RERG: variants seen among roughly 807,000 people sequenced by gnomAD.
RERG encodes the protein RAS like estrogen regulated growth inhibitor, also known as ras-related and estrogen-regulated growth inhibitor.
In RERG, 25 loss-of-function variants were observed where a neutral mutation model predicts 23.2. The ratio of observed to expected loss-of-function variants is 1.08; its 90% CI spans 0.79 to 1.50. The LOEUF (loss-of-function observed/expected upper bound fraction) is 1.50. Among genes scored for constraint, RERG ranks in the 40% most tolerant of loss-of-function variants. The probability of loss-of-function intolerance (pLI) is 0.00; values close to 1 mark genes in which losing one functional copy is unlikely to be tolerated. For missense variants in RERG, 253 were observed against 250.1 expected (o/e 1.01, Z -0.08); for synonymous variants, 81 against 89.1 (o/e 0.91, Z 0.51).
At chr12:15,124,418 C>T (rs1425161559) in intron 2 of RERG, among the ~76,000 whole-genome samples, 1 of 152,042 alleles carries the variant, frequency 6.6e-6, no homozygotes, top group Non-Finnish European at 1.5e-5. Flanking sequence ...TAAATGTAAA[C>T]TAACACACAT....
Position 15,208,837 on chromosome 12 carries a change from T to G in RERG, c.61+8592A>C, listed in dbSNP as rs567222464. On this transcript the variant is annotated intron_variant, in intron 2 of 4. Transcript: ENST00000256953. Reference sequence around the variant, plus strand: ...TTTTTATAACGATAAGATTTGATTATTAAAACATTATATAAACACACCATG... The same window carrying G: ...TTTTTATAACGATAAGATTTGATTAGTAAAACATTATATAAACACACCATG... 3.3e-5 allele frequency among the ~76,000 whole-genome samples: 5 copies of G among 152,264 alleles called. No individual in the cohort carries two copies. The South Asian group carries it at 1.0e-3, about 32-fold the overall frequency.
intron 2 of RERG, among the ~76,000 whole-genome samples, chr12:15,163,294 T>A (rs1864640352): frequency 6.6e-6 from 1 of 152,154 alleles, no homozygotes; most frequent in Admixed American, 6.6e-5. Context: ...ATTGATAACA[T>A]CATTTTGTGA....
rs963080504 is a variant in RERG at position 15,159,836 on chromosome 12, A to C, written c.62-38717T>G. On this transcript the variant is annotated intron_variant, in intron 2 of 4. Transcript: ENST00000256953. ...AGGACTCCGTCTCAAACAAACAAAC[A>C]AAAAAATCTTAATGGAAACAAAACA... is the stretch of plus-strand genomic sequence containing the variant. 1.1e-4 allele frequency among the ~76,000 whole-genome samples: 17 copies of C among 151,044 alleles called. No individual in the cohort carries two copies. In the South Asian group the frequency reaches 1.5e-3, roughly 13 times the overall value.
At chr12:15,125,955 G>C (rs979050012) in intron 2 of RERG, among the ~76,000 whole-genome samples, 12 of 151,258 alleles carry the variant, frequency 7.9e-5, no homozygotes, top group Non-Finnish European at 1.5e-4. Context: ...TGAAGCTCAA[G>C]TTGTTTACAT....
At chr12:15,130,391 T>C (rs1362397140) in intron 2 of RERG, among the ~76,000 whole-genome samples, 1 of 152,190 alleles carries the variant, frequency 6.6e-6, no homozygotes, top group Non-Finnish European at 1.5e-5. Flanking sequence ...TATGTTCTCC[T>C]CCACCTAAAC....
chr12:15,120,642 AAG>A (rs1225740982), intron 3 of RERG, among the ~76,000 whole-genome samples: 1 of 152,186 alleles, frequency 6.6e-6, no homozygotes. Flanking sequence ...GAGAGAAGAA[AAG>A]AGAGAAACAT....
intron 2 of RERG, among the ~76,000 whole-genome samples, chr12:15,208,739 CAT>C (rs981160902): frequency 6.6e-6 from 1 of 152,086 alleles, no homozygotes; most frequent in African/African-American, 2.4e-5. Flanking sequence ...TAAATACACA[CAT>C]ATATACATAC....
chr12:15,113,035 G>A (rs1312184756), intron 3 of RERG, among the ~76,000 whole-genome samples: 1 of 152,198 alleles, frequency 6.6e-6, no homozygotes, highest in Non-Finnish European at 1.5e-5. Flanking sequence ...AGGACTTTTT[G>A]CCAGTGAAAC....
chr12:15,137,300 T>C (rs1864160039), intron 2 of RERG, among the ~76,000 whole-genome samples: 1 of 151,756 alleles, frequency 6.6e-6, no homozygotes, highest in Admixed American at 6.6e-5. Context: ...TCTTTATATT[T>C]AAAATATATT....
intron 3 of RERG, 95 bp from the exon 4 acceptor site, chr12:15,111,512 C>T (rs767459886): frequency 1.1e-6 from 1 of 921,192 alleles, no homozygotes; most frequent in Non-Finnish European, 1.7e-6. Flanking sequence ...GAGAAGTATT[C>T]CTGATTTTAC....
intron 2 of RERG, among the ~76,000 whole-genome samples, chr12:15,169,919 A>T (rs1275992206): frequency 9.4e-6 from 1 of 105,984 alleles, no homozygotes; most frequent in African/African-American, 3.2e-5. Flanking sequence ...ATCTGCTAAA[A>T]ATGTGTGTGT....
At chr12:15,112,704 G>T (rs1464241486) in intron 3 of RERG, among the ~76,000 whole-genome samples, 1 of 152,088 alleles carries the variant, frequency 6.6e-6, no homozygotes, top group Non-Finnish European at 1.5e-5. Context: ...GTAAAACAAA[G>T]GAACATGTAA....
chr12:15,143,799 A>T (rs774619221), intron 2 of RERG, among the ~76,000 whole-genome samples: 2 of 152,154 alleles, frequency 1.3e-5, no homozygotes, highest in African/African-American at 2.4e-5. Context: ...GAGGAGTTGG[A>T]GGGATTTGAT....
At chr12:15,195,729 G>A (rs1367223888) in intron 2 of RERG, among the ~76,000 whole-genome samples, 1 of 152,078 alleles carries the variant, frequency 6.6e-6, no homozygotes, top group African/African-American at 2.4e-5. Context: ...GCACCAAACT[G>A]AGACATGCAG....
chr12:15,207,253 A>G (rs1271306139), intron 2 of RERG, among the ~76,000 whole-genome samples: 2 of 152,144 alleles, frequency 1.3e-5, no homozygotes, highest in Non-Finnish European at 2.9e-5. Flanking sequence ...TCCAGATGAT[A>G]GAAAGTGGGG....
intron 3 of RERG, among the ~76,000 whole-genome samples, 174 bp from the exon 4 acceptor site, chr12:15,111,591 G>C (rs1863618055): frequency 6.6e-6 from 1 of 152,008 alleles, no homozygotes; most frequent in Non-Finnish European, 1.5e-5. Flanking sequence ...TTCATTCTTA[G>C]CTCCTGGACA....
At chr12:15,159,866 C>CAAA (rs1864579608) in intron 2 of RERG, among the ~76,000 whole-genome samples, 1 of 151,846 alleles carries the variant, frequency 6.6e-6, no homozygotes, top group African/African-American at 2.4e-5. Flanking sequence ...AAAACAACAA[C>CAAA]AAAAAATCCC....
chr12:15,187,235 A>G (rs1332952329), intron 2 of RERG, among the ~76,000 whole-genome samples: 1 of 152,126 alleles, frequency 6.6e-6, no homozygotes, highest in African/African-American at 2.4e-5. Flanking sequence ...GTAAGGCACA[A>G]TGCTGAATAC....
intron 2 of RERG, among the ~76,000 whole-genome samples, chr12:15,140,996 CTTCT>C (rs1037148781): frequency 2.6e-5 from 4 of 151,968 alleles, no homozygotes; most frequent in Non-Finnish European, 4.4e-5. Flanking sequence ...ATTTATTTTG[CTTCT>C]TTCTCTTTCT....
Sources: allele counts gnomAD v4.1 joint callset (sites outside exome capture counted in the v4.1 genomes callset), GRCh38; gene constraint gnomAD v4.1.1; transcripts MANE v1.5; gene names NCBI Gene and HGNC (gene_info 2026-07-23, HGNC 2026-07-21).